Variants in MSI2 observed in about 807,000 individuals in gnomAD.
The protein encoded by MSI2 is RNA-binding protein Musashi homolog 2.
Under a neutral mutation model 45.6 loss-of-function variants are expected in MSI2, and 17 were observed. The observed-to-expected ratio is 0.37, with a 90% CI of 0.26 to 0.56. The LOEUF (loss-of-function observed/expected upper bound fraction) is 0.56, where lower values mean the gene tolerates loss of function less well. Ranked by LOEUF, MSI2 falls within the 20% of genes least tolerant of loss-of-function variation. The pLI, the probability that MSI2 is intolerant of heterozygous loss-of-function variation, is 0.77. For missense variants in MSI2, 293 were observed against 444.2 expected, an observed-to-expected ratio of 0.66 and a Z score of 3.06; for synonymous variants, 156 against 158.2, an observed-to-expected ratio of 0.99 and a Z score of 0.11.
At chr17:57,417,645 C>T (rs2084320211) in intron 6 of MSI2, among the ~76,000 whole-genome samples, 1 of 152,156 alleles carries the variant, frequency 6.6e-6, no homozygotes, top group African/African-American at 2.4e-5. Context: ...CCTCAGCGAA[C>T]ATTAGTCAGG....
intron 7 of MSI2, among the ~76,000 whole-genome samples, chr17:57,584,359 C>G (rs1598423532): frequency 6.6e-6 from 1 of 152,282 alleles, no homozygotes; most frequent in East Asian, 1.9e-4. Flanking sequence ...GTATGTGTGT[C>G]TCTTGCAAAC....
At chr17:57,406,516 C>CAGCT (rs1459788263) in intron 6 of MSI2, among the ~76,000 whole-genome samples, 1 of 152,210 alleles carries the variant, frequency 6.6e-6, no homozygotes, top group Admixed American at 6.5e-5. Flanking sequence ...AATGATAGGG[C>CAGCT]AGCTCAGTGC....
At chr17:57,483,348 A>G (rs990047455) in intron 6 of MSI2, among the ~76,000 whole-genome samples, 31 of 152,204 alleles carry the variant, frequency 2.0e-4, no homozygotes, top group Admixed American at 6.5e-4. Flanking sequence ...ATGTAAAATT[A>G]ACTAACTGAA....
At chr17:57,258,427 G>A (rs1907017197) in intron 4 of MSI2, 73 bp downstream of exon 4, 3 of 1,208,406 alleles carry the variant, frequency 2.5e-6, no homozygotes, top group East Asian at 4.6e-5. Context: ...CCATTTAAAG[G>A]GACAGTGCCT....
chr17:57,689,305 T>C (rs927939077), downstream of MSI2, among the ~76,000 whole-genome samples: 8 of 152,100 alleles, frequency 5.3e-5, no homozygotes, highest in African/African-American at 1.9e-4. Context: ...ATTTTTTGAA[T>C]AATAAAATAT....
At chr17:57,555,169 G>A (rs1011329186) in intron 7 of MSI2, among the ~76,000 whole-genome samples, 5 of 152,174 alleles carry the variant, frequency 3.3e-5, no homozygotes, top group Admixed American at 3.3e-4. Flanking sequence ...TGAGGCTTCA[G>A]CCCGGGCCCC....
intron 6 of MSI2, among the ~76,000 whole-genome samples, chr17:57,476,344 G>A (rs773670773): frequency 2.6e-5 from 4 of 152,222 alleles, no homozygotes; most frequent in Non-Finnish European, 5.9e-5. Context: ...GAGCCTGGAT[G>A]GAGGTTGGGG....
chr17:57,256,908 T>A, intron 1 of MSI2, 104 bp downstream of exon 1: 1 of 213,238 alleles, frequency 4.7e-6, no homozygotes, highest in Non-Finnish European at 6.4e-6. Context: ...CCCCCCCGCC[T>A]CTCCCGCGCG....
intron 7 of MSI2, among the ~76,000 whole-genome samples, chr17:57,546,210 T>C (rs1295052449): frequency 6.6e-6 from 1 of 152,186 alleles, no homozygotes; most frequent in Non-Finnish European, 1.5e-5. Context: ...TCGGTGGTAA[T>C]GAATAAAGAA....
chr17:57,675,187 T>G, intron 12 of MSI2, 61 bp downstream of exon 12: 1 of 1,523,976 alleles, frequency 6.6e-7, no homozygotes, highest in African/African-American at 1.4e-5. Flanking sequence ...CCTTGTGGCC[T>G]GTGGGTGTGC....
At chr17:57,622,972 T>C (rs1292950712) in intron 9 of MSI2, among the ~76,000 whole-genome samples, 12 of 152,178 alleles carry the variant, frequency 7.9e-5, no homozygotes, top group Non-Finnish European at 2.9e-5. Flanking sequence ...TAGCCGCCTG[T>C]GCACGGTAGC....
At chr17:57,699,606 G>T in the MSI2 span, among the ~76,000 whole-genome samples, 1 of 152,076 alleles carries the variant, frequency 6.6e-6, no homozygotes, top group Non-Finnish European at 1.5e-5. Flanking sequence ...TCAGTTCTTT[G>T]ATGGTCAGAA....
chr17:57,563,746 G>GCGCACACACACACACACACA (rs534460755), intron 7 of MSI2, among the ~76,000 whole-genome samples: 50 of 139,292 alleles, frequency 3.6e-4, no homozygotes, highest in Admixed American at 2.5e-3. Flanking sequence ...ACACAGGCGC[G>GCGCACACACACACACACACA]CACACACACA....
chr17:57,430,961 G>A (rs1055250629), intron 6 of MSI2, among the ~76,000 whole-genome samples: 6 of 152,208 alleles, frequency 3.9e-5, no homozygotes, highest in African/African-American at 7.2e-5. Context: ...TTAGGAGCAC[G>A]GAGAAGACTC....
chr17:57,472,251 G>T (rs2085452305), intron 6 of MSI2, among the ~76,000 whole-genome samples: 1 of 152,236 alleles, frequency 6.6e-6, no homozygotes. Flanking sequence ...CAGAGTGAGA[G>T]CTGGTTCATG....
At chr17:57,329,062 G>A (rs1311370595) in intron 5 of MSI2, among the ~76,000 whole-genome samples, 1 of 152,148 alleles carries the variant, frequency 6.6e-6, no homozygotes, top group Admixed American at 6.5e-5. Context: ...CTCCAGCCTG[G>A]GTGAGGGGAG....
At position 57,627,125 on chromosome 17, in the gene MSI2, G is replaced by A. The variant is rs553261422; in HGVS notation, c.653-104G>A. The A allele has an allele frequency of 8.8e-5, 92 of 1,046,788 alleles. 2 individuals carry two copies. The South Asian group carries it at 1.1e-3, about 12-fold the overall frequency. The allele number at this position is 1,046,788 out of a possible 1,614,324, so 64.8% of individuals were successfully genotyped here. A position where few individuals can be genotyped will look rare whatever the true frequency, so the allele number is the denominator to read the frequency against. Reference sequence around the variant, plus strand: ...CATGAGAGACAAATTATTCTGTGAAGGAAAATAACTCAGGCTTTCCTCATT... The same window carrying A: ...CATGAGAGACAAATTATTCTGTGAAAGAAAATAACTCAGGCTTTCCTCATT... On this transcript the variant is annotated intron_variant, in intron 9 of 13. Coordinates refer to ENST00000284073, the MANE Select transcript of MSI2 (RefSeq NM_138962.4). This position sits in a 1 kb window ranked among gnomAD's most constrained non-coding sequence, Gnocchi z 4.6.
chr17:57,551,199 G>T (rs1049838040), intron 7 of MSI2, among the ~76,000 whole-genome samples: 2 of 152,090 alleles, frequency 1.3e-5, no homozygotes, highest in Non-Finnish European at 1.5e-5. Flanking sequence ...TTTCAGTGCC[G>T]GGAGGTAAAT....
intron 5 of MSI2, among the ~76,000 whole-genome samples, chr17:57,313,645 G>A (rs1383317451): frequency 2.6e-5 from 4 of 152,226 alleles, no homozygotes; most frequent in Non-Finnish European, 5.9e-5. Flanking sequence ...AGTGGGCCCT[G>A]GCACAGGCAG....
Sources: gnomAD v4.1 joint callset for allele counts (sites outside exome capture counted in the v4.1 genomes callset) on GRCh38, gnomAD v4.1.1 for gene constraint, Gnocchi (gnomAD v3.1) non-coding constraint, MANE v1.5 for transcripts, NCBI Gene and HGNC (gene_info 2026-07-23, HGNC 2026-07-21) for gene names.